The following PITPNM2 variants were observed in gnomAD, a reference collection of about 807,000 sequenced individuals.
PITPNM2 encodes membrane-associated phosphatidylinositol transfer protein 2.
Under a neutral mutation model 132.2 loss-of-function variants are expected in PITPNM2, and 35 were observed. That is an observed-to-expected ratio of 0.26 (90% CI 0.20 to 0.35). The LOEUF is 0.35. Among genes scored for constraint, PITPNM2 ranks in the 10% least tolerant of loss-of-function variants. PITPNM2 has a pLI of 1.00. For synonymous variants in PITPNM2, 738 were observed against 799.2 expected (o/e 0.92, Z 1.29); for missense variants, 1,332 against 1,912.0 (o/e 0.70, Z 5.66).
intron 2 of PITPNM2, among the ~76,000 whole-genome samples, chr12:123,103,306 T>C (rs1051901348): frequency 1.3e-5 from 2 of 152,212 alleles, no homozygotes; most frequent in African/African-American, 4.8e-5. Flanking sequence ...CTTGAACTGT[T>C]AGCTCCTTGA....
At position 123,032,116 on chromosome 12, in the gene PITPNM2, C is replaced by T. The variant is rs191896873; in HGVS notation, c.78+2397G>A. Reference sequence around the variant, plus strand: ...CTGCACAGCTGCAGGAAGGTCTGAGCGTCTAACAGGGAACTATATGATGCT... The same window carrying T: ...CTGCACAGCTGCAGGAAGGTCTGAGTGTCTAACAGGGAACTATATGATGCT... On this transcript the variant is annotated intron_variant, in intron 3 of 25. Coordinates refer to ENST00000320201, the MANE Select transcript of PITPNM2 (RefSeq NM_020845.3). Among the ~76,000 whole-genome samples the T allele has an allele frequency of 2.1e-3, 326 of 152,292 alleles. 2 individuals carry two copies. Among genetic ancestry groups the T allele is most frequent in the Non-Finnish European group, 3.2e-3 (216 of 68,024 alleles).
At chr12:123,072,343 G>A (rs1472939693) in intron 2 of PITPNM2, among the ~76,000 whole-genome samples, 2 of 152,166 alleles carry the variant, frequency 1.3e-5, no homozygotes, top group Non-Finnish European at 2.9e-5. Context: ...CTTCTAACTT[G>A]CATTCTCCCC....
At chr12:123,093,143 CGTTCATAAGAAAT>C (rs2042313613) in intron 2 of PITPNM2, among the ~76,000 whole-genome samples, 1 of 152,098 alleles carries the variant, frequency 6.6e-6, no homozygotes. Flanking sequence ...TGTGTCACTC[CGTTCATAAGAAAT>C]GTCCATGATA....
rs2042771735 is a variant in PITPNM2, at chr12:123,108,664, A to G, written c.-96+1721T>C. On this transcript the variant is annotated intron_variant, in intron 2 of 25. Coordinates refer to ENST00000320201, the MANE Select transcript of PITPNM2 (RefSeq NM_020845.3). This position sits in a 1 kb window ranked among gnomAD's most constrained non-coding sequence, Gnocchi z 4.4. ...ACAAAACAGAAAAACAAAAAATACA[A>G]CATAGCACTCTCTCTTCTTAGCACT... 6.6e-6 allele frequency among the ~76,000 whole-genome samples: 1 copy of G among 152,154 alleles called. No individual in the cohort carries two copies. The highest frequency in any genetic ancestry group is 2.1e-4 in the South Asian group (1 of 4,816).
rs142501158 is a variant in PITPNM2 at position 123,141,625 on chromosome 12, T to C, written c.-200+9128A>G. ...GAATCTTAAGCACCAGAAAAGCCCA[T>C]AACACAGAGTCGACGAGGCTGGGTA... On this transcript the variant is annotated intron_variant, in intron 1 of 25. Coordinates refer to ENST00000320201, the MANE Select transcript of PITPNM2 (RefSeq NM_020845.3). Among the ~76,000 whole-genome samples the C allele has an allele frequency of 4.5e-3, 680 of 152,080 alleles. 7 individuals carry two copies. Among genetic ancestry groups the C allele is most frequent in the African/African-American group, 0.015 (626 of 41,434 alleles).
intron 2 of PITPNM2, among the ~76,000 whole-genome samples, chr12:123,053,408 TAACA>T (rs1418436481): frequency 2.0e-5 from 3 of 149,224 alleles, no homozygotes. Flanking sequence ...CCATTTAAAC[TAACA>T]GTTATTTAGA....
Position 123,111,445 on chromosome 12 carries a change from C to G in PITPNM2, c.-199-957G>C, listed in dbSNP as rs1208496012. ...CTCCTCAGACACCAGTCCATGCCCG[C>G]TAGGGGCAAGCACAGCCCTAACAAA... is the stretch of plus-strand genomic sequence containing the variant. On this transcript the variant is annotated intron_variant, in intron 1 of 25. Transcript: ENST00000320201. The surrounding 1 kb of genome is among the most constrained non-coding windows in gnomAD (Gnocchi z 4.1). Among the ~76,000 whole-genome samples, 1 of 152,212 alleles carries G rather than the reference C, an allele frequency of 6.6e-6. No individual in the cohort carries two copies. Among genetic ancestry groups the G allele is most frequent in the Non-Finnish European group, 1.5e-5 (1 of 68,020 alleles).
intron 2 of PITPNM2, among the ~76,000 whole-genome samples, chr12:123,035,355 C>T (rs1253826275): frequency 6.6e-6 from 1 of 152,180 alleles, no homozygotes; most frequent in Non-Finnish European, 1.5e-5. Context: ...GAAGATTTGT[C>T]CCTAAGCAAT....
chr12:123,066,922 C>G (rs1009886760), intron 2 of PITPNM2, among the ~76,000 whole-genome samples: 1 of 152,196 alleles, frequency 6.6e-6, no homozygotes, highest in Non-Finnish European at 1.5e-5. Flanking sequence ...CCAGGCCACA[C>G]TCCCCGGCCA....
chr12:123,126,188 C>T (rs2043138727), intron 1 of PITPNM2, among the ~76,000 whole-genome samples: 1 of 152,018 alleles, frequency 6.6e-6, no homozygotes, highest in Non-Finnish European at 1.5e-5. Context: ...CCTTTTAATC[C>T]TGTGACCCTC....
chr12:123,012,318 G>A (rs2039242405), intron 5 of PITPNM2, among the ~76,000 whole-genome samples: 1 of 152,220 alleles, frequency 6.6e-6, no homozygotes, highest in Admixed American at 6.5e-5. Flanking sequence ...AGCTAGAGAT[G>A]GATGCCCGAG....
chr12:123,016,043 G>A (rs1344544854), intron 3 of PITPNM2, among the ~76,000 whole-genome samples: 2 of 152,138 alleles, frequency 1.3e-5, no homozygotes, highest in African/African-American at 4.8e-5. Flanking sequence ...ACCACAATGA[G>A]GGCCAAGTGT....
Position 122,985,868 on chromosome 12 carries a change from CAG to C in PITPNM2, c.*157_*158del. On this transcript the variant is annotated 3_prime_UTR_variant, in exon 26 of 26. Coordinates refer to ENST00000320201, the MANE Select transcript of PITPNM2 (RefSeq NM_020845.3). ...ACCCGTCAGGCCCGAGGACGTGAGG[CAG>C]GGCAGGGAGCACTGTGTGGTGCGGC... The C allele has an allele frequency of 3.1e-6, 2 of 652,524 alleles. No homozygotes were observed. Among genetic ancestry groups the C allele is most frequent in the Non-Finnish European group, 4.5e-6 (2 of 440,762 alleles). 40.4% of individuals were successfully genotyped at this position (652,524 alleles called of 1,614,324 possible).
chr12:123,150,602 C>T lies in PITPNM2; in HGVS notation c.-200+151G>A, dbSNP rs1008651229. ...TCCTCCCTGCCCGGGTCTCCGCTCCCTCCTCCAGCCCCCGGCGGGCTGGAG... is the reference window on the plus strand; with the variant it reads ...TCCTCCCTGCCCGGGTCTCCGCTCCTTCCTCCAGCCCCCGGCGGGCTGGAG... On this transcript the variant is annotated intron_variant, in intron 1 of 25. Transcript: ENST00000320201. This position sits in a 1 kb window ranked among gnomAD's most constrained non-coding sequence, Gnocchi z 6.0. Among the ~76,000 whole-genome samples, 3 of 150,514 alleles carry T rather than the reference C, an allele frequency of 2.0e-5. No homozygotes were observed. Among genetic ancestry groups the T allele is most frequent in the African/African-American group, 7.3e-5 (3 of 40,964 alleles).
rs373787897 is a variant in PITPNM2 at position 123,125,864 on chromosome 12, G to GTTTTT, written c.-199-15381_-199-15377dup. On this transcript the variant is annotated intron_variant, in intron 1 of 25. Coordinates refer to ENST00000320201, the MANE Select transcript of PITPNM2 (RefSeq NM_020845.3). Reference sequence around the variant, plus strand: ...CTCAAAAAAAAAAAAAAAAATTAGGGTTTTTTTTTTTTTTTTTTTTTTTGA... The same window carrying GTTTTT: ...CTCAAAAAAAAAAAAAAAAATTAGGGTTTTTTTTTTTTTTTTTTTTTTTTTTTTGA... Among the ~76,000 whole-genome samples the GTTTTT allele has an allele frequency of 8.8e-4, 57 of 64,858 alleles. 1 individual carries two copies. The highest frequency in any genetic ancestry group is 9.4e-4 in the Non-Finnish European group (35 of 37,162). 42.5% of individuals were successfully genotyped at this position (64,858 alleles called of 152,430 possible). A position where few individuals can be genotyped will look rare whatever the true frequency, so the allele number is the denominator to read the frequency against.
intron 1 of PITPNM2, among the ~76,000 whole-genome samples, chr12:123,148,008 A>T (rs1050349045): frequency 6.6e-6 from 1 of 152,186 alleles, no homozygotes; most frequent in East Asian, 1.9e-4. Context: ...CCTAAATTCT[A>T]AAAGAAAATT....
chr12:123,079,874 G>C (rs1227446569), intron 2 of PITPNM2, among the ~76,000 whole-genome samples: 19 of 152,066 alleles, frequency 1.2e-4, no homozygotes, highest in Admixed American at 1.2e-3. Flanking sequence ...CCTCTATCTA[G>C]TTCCAGAGTT....
In PITPNM2 at chr12:123,150,746, C is replaced by T. The variant is rs2043724502; in HGVS notation, c.-200+7G>A. On this transcript the variant is annotated splice_region_variant and intron_variant, in intron 1 of 25. Transcript: ENST00000320201. This position sits in a 1 kb window ranked among gnomAD's most constrained non-coding sequence, Gnocchi z 6.0. Reference sequence around the variant, plus strand: ...GGCCTGCGGAGCGGCCGCCCGGACGCACTCACCCCGCTCGGCGCGGCCGCG... The same window carrying T: ...GGCCTGCGGAGCGGCCGCCCGGACGTACTCACCCCGCTCGGCGCGGCCGCG... Among the ~76,000 whole-genome samples the T allele has an allele frequency of 6.6e-6, 1 of 150,400 alleles. No individual in the cohort carries two copies. Among genetic ancestry groups the T allele is most frequent in the Non-Finnish European group, 1.5e-5 (1 of 67,444 alleles).
At chr12:123,105,055 C>T (rs994740031) in intron 2 of PITPNM2, among the ~76,000 whole-genome samples, 1 of 152,106 alleles carries the variant, frequency 6.6e-6, no homozygotes, top group Non-Finnish European at 1.5e-5. Flanking sequence ...TCCCCTCATT[C>T]ACTCACTCCA....
Sources: allele counts gnomAD v4.1 joint callset (sites outside exome capture counted in the v4.1 genomes callset), GRCh38; gene constraint gnomAD v4.1.1; non-coding constraint Gnocchi (gnomAD v3.1); transcripts MANE v1.5; gene names NCBI Gene and HGNC (gene_info 2026-07-23, HGNC 2026-07-21).